The following ADCY2 variants were observed in gnomAD, a reference collection of about 807,000 sequenced individuals.
ADCY2 encodes the protein adenylate cyclase type 2.
In ADCY2, 31 loss-of-function variants were observed where a neutral mutation model predicts 125.2. The ratio of observed to expected loss-of-function variants is 0.25; its 90% CI spans 0.19 to 0.33. ADCY2 has a LOEUF of 0.33. Among genes scored for constraint, ADCY2 ranks in the 10% least tolerant of loss-of-function variants. The probability of loss-of-function intolerance (pLI) is 1.00; values close to 1 mark genes in which losing one functional copy is unlikely to be tolerated. For synonymous variants in ADCY2, 512 were observed against 548.4 expected, an observed-to-expected ratio of 0.93 and a Z score of 0.93; for missense variants, 904 against 1,418.2, an observed-to-expected ratio of 0.64 and a Z score of 5.82.
chr5:7,722,442 A>T (rs372285940), intron 12 of ADCY2, among the ~76,000 whole-genome samples: 2 of 152,244 alleles, frequency 1.3e-5, no homozygotes, highest in Middle Eastern at 3.4e-3. Flanking sequence ...TGCATATATT[A>T]TTCATAGTTT....
chr5:7,495,337 C>T (rs756718682), intron 2 of ADCY2, among the ~76,000 whole-genome samples: 37 of 152,284 alleles, frequency 2.4e-4, no homozygotes, highest in Non-Finnish European at 4.3e-4. Context: ...TTTCGAGCTT[C>T]ATTGCATCAT....
At chr5:7,573,100 C>G (rs1338014329) in intron 3 of ADCY2, among the ~76,000 whole-genome samples, 2 of 151,986 alleles carry the variant, frequency 1.3e-5, no homozygotes, top group African/African-American at 2.4e-5. Flanking sequence ...GGAGAGAGGC[C>G]CTAGAAGAAA....
intron 15 of ADCY2, among the ~76,000 whole-genome samples, chr5:7,747,770 T>C (rs1215607171): frequency 1.3e-5 from 2 of 152,248 alleles, no homozygotes; most frequent in African/African-American, 4.8e-5. Flanking sequence ...ATTACTTTTA[T>C]TCTTGTGGAT....
intron 4 of ADCY2, among the ~76,000 whole-genome samples, chr5:7,636,569 G>A (rs551746798): frequency 6.6e-6 from 1 of 152,194 alleles, no homozygotes; most frequent in Non-Finnish European, 1.5e-5. Context: ...AGGTAGGGGG[G>A]ATGGAAACTG....
intron 3 of ADCY2, among the ~76,000 whole-genome samples, chr5:7,533,120 T>C (rs1272116380): frequency 6.6e-6 from 1 of 150,504 alleles, no homozygotes; most frequent in African/African-American, 2.4e-5. Flanking sequence ...CATATATACA[T>C]ATATGCATAT....
chr5:7,583,363 A>G (rs1462374603), intron 3 of ADCY2, among the ~76,000 whole-genome samples: 1 of 152,100 alleles, frequency 6.6e-6, no homozygotes, highest in African/African-American at 2.4e-5. Context: ...TTGAAATACA[A>G]AGGACTTAGG....
At position 7,709,201 on chromosome 5, in the gene ADCY2, T is replaced by C. The variant is rs1486060616; in HGVS notation, c.1402-10T>C. On this transcript the variant is annotated splice_polypyrimidine_tract_variant and intron_variant, in intron 9 of 24. Transcript: ENST00000338316. This position sits in a 1 kb window ranked among gnomAD's most constrained non-coding sequence, Gnocchi z 4.4. ...TGTGCCAGGTGTGATGCTTTGTTTC[T>C]CACCCCAAGGGAGAACGACGGAGCC... 2 of 1,591,602 alleles carry C rather than the reference T, an allele frequency of 1.3e-6. No homozygotes were observed. The highest frequency in any genetic ancestry group is 1.7e-6 in the Non-Finnish European group (2 of 1,169,084).
At chr5:7,612,443 G>T (rs1009174838) in intron 3 of ADCY2, among the ~76,000 whole-genome samples, 2 of 152,230 alleles carry the variant, frequency 1.3e-5, no homozygotes, top group Non-Finnish European at 2.9e-5. Context: ...ACCATGGTGA[G>T]GTGGGCAGGA....
chr5:7,520,348 C>G (rs1017180556), intron 2 of ADCY2, among the ~76,000 whole-genome samples: 1 of 152,106 alleles, frequency 6.6e-6, no homozygotes, highest in Admixed American at 6.6e-5. Flanking sequence ...ACCCTGTCCA[C>G]CCCCGTCCCC....
intron 3 of ADCY2, among the ~76,000 whole-genome samples, chr5:7,562,048 T>C (rs1162066251): frequency 6.6e-6 from 1 of 152,170 alleles, no homozygotes; most frequent in Non-Finnish European, 1.5e-5. Flanking sequence ...CTGAGTGTTT[T>C]ATATAGTTTT....
Position 7,737,977 on chromosome 5 carries a change from T to C in ADCY2, c.1872-5691T>C, listed in dbSNP as rs143804756. 3.7e-3 allele frequency among the ~76,000 whole-genome samples: 557 copies of C among 152,174 alleles called. 6 individuals are homozygous for C. The highest frequency in any genetic ancestry group is 6.0e-3 in the Non-Finnish European group (406 of 68,000). On this transcript the variant is annotated intron_variant, in intron 14 of 24. Transcript: ENST00000338316. ...TTCAAAGTCGAGATGAAATACATTC[T>C]GCAAGTAAAAAAAGAGGGAATTCAT... is the stretch of plus-strand genomic sequence containing the variant.
At chr5:7,783,392 G>A (rs1186286901) in intron 18 of ADCY2, among the ~76,000 whole-genome samples, 2 of 152,108 alleles carry the variant, frequency 1.3e-5, no homozygotes, top group East Asian at 1.9e-4. Context: ...GGAAAGTGAC[G>A]TTTGAAGCGG....
intron 2 of ADCY2, among the ~76,000 whole-genome samples, chr5:7,486,235 CA>C (rs1437192614): frequency 6.6e-6 from 1 of 152,144 alleles, no homozygotes; most frequent in Non-Finnish European, 1.5e-5. Context: ...TCGTAATAGT[CA>C]AAGTTTATAC....
chr5:7,609,339 A>G (rs1464643510), intron 3 of ADCY2, among the ~76,000 whole-genome samples: 2 of 152,382 alleles, frequency 1.3e-5, no homozygotes, highest in Non-Finnish European at 2.9e-5. Context: ...ATATAAGCCC[A>G]TAAGGGCAGG....
chr5:7,499,652 T>G (rs959749935), intron 2 of ADCY2, among the ~76,000 whole-genome samples: 1 of 27,356 alleles, frequency 3.7e-5, no homozygotes, highest in Non-Finnish European at 8.8e-5. Flanking sequence ...TGGGTGGATA[T>G]ATATATATAT....
At chr5:7,587,688 C>T (rs1023824098) in intron 3 of ADCY2, among the ~76,000 whole-genome samples, 3 of 152,042 alleles carry the variant, frequency 2.0e-5, no homozygotes, top group Admixed American at 2.0e-4. Flanking sequence ...TAATTAAGAA[C>T]AAAGTTATAT....
At chr5:7,431,572 T>G (rs1265369427) in intron 2 of ADCY2, among the ~76,000 whole-genome samples, 1 of 150,076 alleles carries the variant, frequency 6.7e-6, no homozygotes, top group African/African-American at 2.5e-5. Flanking sequence ...GAAAGTTGCT[T>G]TGATTTGACC....
intron 4 of ADCY2, among the ~76,000 whole-genome samples, chr5:7,649,315 A>G (rs1161505762): frequency 6.6e-6 from 1 of 152,212 alleles, no homozygotes; most frequent in East Asian, 1.9e-4. Context: ...TTATTTATGG[A>G]TGCATCATCA....
intron 2 of ADCY2, among the ~76,000 whole-genome samples, chr5:7,469,485 T>C (rs1231677016): frequency 1.3e-5 from 2 of 151,916 alleles, no homozygotes; most frequent in African/African-American, 4.8e-5. Context: ...AACCTGCCTA[T>C]ATATATAGAG....
Sources: allele counts gnomAD v4.1 joint callset (sites outside exome capture counted in the v4.1 genomes callset), GRCh38; gene constraint gnomAD v4.1.1; non-coding constraint Gnocchi (gnomAD v3.1); transcripts MANE v1.5; gene names NCBI Gene and HGNC (gene_info 2026-07-23, HGNC 2026-07-21).